The following GPR15LG variants were observed in gnomAD, a reference collection of about 807,000 sequenced individuals.
GPR15LG encodes G protein-coupled receptor 15 ligand.
the GPR15LG span, chr10:84,184,976 AC>A: frequency 1.9e-5 from 27 of 1,400,528 alleles, no homozygotes; most frequent in Non-Finnish European, 2.3e-5. Flanking sequence ...TCATGAGCCA[AC>A]CTCACCCCAC....
At chr10:84,184,877 G>A in the GPR15LG span, 7 of 1,527,510 alleles carry the variant, frequency 4.6e-6, no homozygotes, top group South Asian at 8.6e-5. Flanking sequence ...CTGCAATGTT[G>A]GAGGGCTTCA....
At chr10:84,176,722 C>G in the GPR15LG span, among the ~76,000 whole-genome samples, 14,655 of 152,206 alleles carry the variant, frequency 0.096, 836 homozygotes, top group African/African-American at 0.15. Flanking sequence ...TTGACTCCCC[C>G]CCAAAAGTCA....
the GPR15LG span, among the ~76,000 whole-genome samples, chr10:84,174,213 G>C: frequency 6.6e-6 from 1 of 152,202 alleles, no homozygotes; most frequent in African/African-American, 2.4e-5. Context: ...AGATTACTGT[G>C]CTTAAGTCCT....
At chr10:84,180,710 C>T in the GPR15LG span, among the ~76,000 whole-genome samples, 7 of 152,310 alleles carry the variant, frequency 4.6e-5, no homozygotes, top group Non-Finnish European at 1.0e-4. Flanking sequence ...GCTGCAATCT[C>T]AGCACTTTGG....
At chr10:84,182,985 T>C in the GPR15LG span, among the ~76,000 whole-genome samples, 2 of 151,104 alleles carry the variant, frequency 1.3e-5, no homozygotes, top group African/African-American at 4.9e-5. Context: ...TATATATTAC[T>C]AGGATTATCA....
the GPR15LG span, among the ~76,000 whole-genome samples, chr10:84,179,179 T>C: frequency 1.3e-5 from 2 of 152,220 alleles, no homozygotes; most frequent in Non-Finnish European, 2.9e-5. Flanking sequence ...CACCCAGCAC[T>C]GCTAAGCCTC....
chr10:84,184,305 G>T, the GPR15LG span, among the ~76,000 whole-genome samples: 1 of 152,232 alleles, frequency 6.6e-6, no homozygotes, highest in South Asian at 2.1e-4. Context: ...CCATCTGGAA[G>T]GAGACAGCCA....
At chr10:84,178,642 A>T in the GPR15LG span, among the ~76,000 whole-genome samples, 2 of 151,990 alleles carry the variant, frequency 1.3e-5, no homozygotes, top group Admixed American at 1.3e-4. Context: ...ACACACACAG[A>T]TGGACAGATA....
the GPR15LG span, chr10:84,174,018 G>C: frequency 1.1e-6 from 1 of 940,136 alleles, no homozygotes; most frequent in African/African-American, 1.6e-5. Context: ...TGGCGGGCAG[G>C]CCTTGGCAGG....
the GPR15LG span, among the ~76,000 whole-genome samples, chr10:84,174,234 A>G: frequency 2.0e-5 from 3 of 152,170 alleles, no homozygotes; most frequent in Non-Finnish European, 4.4e-5. Context: ...ACCTATCTAG[A>G]ATTTCTGGAG....
the GPR15LG span, among the ~76,000 whole-genome samples, chr10:84,174,491 TTTC>T: frequency 3.4e-3 from 471 of 138,456 alleles, 4 homozygotes; most frequent in African/African-American, 0.012. Context: ...TTTTTTCTTT[TTTC>T]TTTTTTTTTT....
At chr10:84,183,980 T>C in the GPR15LG span, among the ~76,000 whole-genome samples, 1 of 152,082 alleles carries the variant, frequency 6.6e-6, no homozygotes, top group Non-Finnish European at 1.5e-5. Context: ...TTCTCTATTA[T>C]AGGATATTCA....
chr10:84,176,495 C>T, the GPR15LG span: 3 of 1,613,636 alleles, frequency 1.9e-6, no homozygotes, highest in Non-Finnish European at 2.5e-6. Context: ...AGGCGTCCTG[C>T]CAAGGCCTGG....
the GPR15LG span, among the ~76,000 whole-genome samples, chr10:84,178,449 AATAC>A: frequency 6.6e-6 from 1 of 151,716 alleles, no homozygotes; most frequent in Non-Finnish European, 1.5e-5. Context: ...AACACACATA[AATAC>A]ATACACACAA....
At chr10:84,179,653 A>C in the GPR15LG span, among the ~76,000 whole-genome samples, 60 of 152,292 alleles carry the variant, frequency 3.9e-4, no homozygotes, top group African/African-American at 1.0e-3. Flanking sequence ...TGAGCCAACA[A>C]CACCAGCTAT....
At chr10:84,173,846 C>G in the GPR15LG span, 2 of 1,609,500 alleles carry the variant, frequency 1.2e-6, no homozygotes, top group East Asian at 4.5e-5. Context: ...AATCTGCCTT[C>G]TCACCATGAG....
At chr10:84,184,986 A>G in the GPR15LG span, 1 of 1,383,394 alleles carries the variant, frequency 7.2e-7, no homozygotes, top group Non-Finnish European at 9.3e-7. Flanking sequence ...ACCTCACCCC[A>G]CAGGGCCTCA....
the GPR15LG span, chr10:84,184,644 G>C: frequency 2.4e-5 from 39 of 1,610,458 alleles, no homozygotes; most frequent in Non-Finnish European, 3.3e-5. Flanking sequence ...CCATCTTCCT[G>C]TCCTTGTCCC....
At chr10:84,176,593 A>G in the GPR15LG span, 1 of 1,563,756 alleles carries the variant, frequency 6.4e-7, no homozygotes, top group Non-Finnish European at 8.8e-7. Context: ...CCTCGTCCAG[A>G]CTGTGGGGCA....
Sources: allele counts gnomAD v4.1 joint callset (sites outside exome capture counted in the v4.1 genomes callset), GRCh38; gene constraint gnomAD v4.1.1; transcripts MANE v1.5; gene names NCBI Gene and HGNC (gene_info 2026-07-23, HGNC 2026-07-21).